Variants in DGKB observed in about 807,000 individuals in gnomAD.
The protein encoded by DGKB is 90 kDa diacylglycerol kinase.
Under a neutral mutation model 114.3 loss-of-function variants are expected in DGKB, and 67 were observed. The observed-to-expected ratio is 0.59, with a 90% CI of 0.48 to 0.72. DGKB has a LOEUF of 0.72. Ranked by LOEUF, DGKB falls within the 30% of genes least tolerant of loss-of-function variation. The pLI is 0.00. For missense variants in DGKB, 907 were observed against 975.2 expected (o/e 0.93, Z 0.93); for synonymous variants, 398 against 323.1 (o/e 1.23, Z -2.49).
intron 21 of DGKB, among the ~76,000 whole-genome samples, chr7:14,413,612 A>C (rs535002081): frequency 6.6e-6 from 1 of 152,172 alleles, no homozygotes; most frequent in African/African-American, 2.4e-5. Flanking sequence ...GGGATAGAGT[A>C]GGAGATATAA....
Position 14,956,797 on chromosome 7 carries a change from T to G in DGKB, c.-188+17899A>C, listed in dbSNP as rs141790485. On this transcript the variant is annotated intron_variant, in intron 1 of 4. Transcript: ENST00000437998. ...AGATCCGTAGGTGTCAGCATTAAGG[T>G]GAATTTTTGTTTGTATCTGAAGTGT... 2.8e-3 allele frequency among the ~76,000 whole-genome samples: 427 copies of G among 151,978 alleles called. 10 individuals carry two copies. The highest frequency in any genetic ancestry group is 0.025 in the East Asian group (126 of 5,134).
In DGKB at chr7:14,315,112, T is replaced by G. The variant is rs1173213717; in HGVS notation, c.2122+23403A>C. On this transcript the variant is annotated intron_variant, in intron 23 of 25. Transcript: ENST00000402815. The stretch of plus-strand genomic sequence containing the variant: ...GATTTTGTCACCACCAGGCCTGCCC[T>G]AAAAGAGCTCCTGAAGGAAGCGCTA... 6.4e-3 allele frequency among the ~76,000 whole-genome samples: 944 copies of G among 146,878 alleles called. 7 individuals are homozygous for G. The highest frequency in any genetic ancestry group is 0.022 in the African/African-American group (866 of 40,222).
At position 14,467,794 on chromosome 7, in the gene DGKB, C is replaced by T. The variant is rs971590387; in HGVS notation, c.1835+10367G>A. On this transcript the variant is annotated intron_variant, in intron 21 of 25. Coordinates refer to ENST00000402815, the MANE Select transcript of DGKB (RefSeq NM_001350709.2). ...AAAAGAAATGCATGAGTAACTAATG[C>T]TTATGTGGAGGGAGAAGCAACGCAG... 5.3e-5 allele frequency among the ~76,000 whole-genome samples: 8 copies of T among 151,894 alleles called. No homozygotes were observed. In the South Asian group the frequency reaches 1.7e-3, roughly 32 times the overall value.
At chr7:14,704,857 C>A (rs1156876333) in intron 6 of DGKB, among the ~76,000 whole-genome samples, 1 of 152,048 alleles carries the variant, frequency 6.6e-6, no homozygotes, top group African/African-American at 2.4e-5. Flanking sequence ...GATAAAACCA[C>A]AAAGATGGGG....
At chr7:14,845,975 G>T (rs1848574199) in intron 1 of DGKB, among the ~76,000 whole-genome samples, 1 of 152,146 alleles carries the variant, frequency 6.6e-6, no homozygotes, top group Non-Finnish European at 1.5e-5. Flanking sequence ...TGTGATGTCA[G>T]CTAACCAATT....
Position 14,372,386 on chromosome 7 carries a change from T to C in DGKB, c.1836-26995A>G, listed in dbSNP as rs1191949667. 5.3e-5 allele frequency among the ~76,000 whole-genome samples: 8 copies of C among 152,278 alleles called. No homozygotes were observed. The East Asian group carries it at 1.2e-3, about 22-fold the overall frequency. ...AGTGGCTGAGGCAAGCTACCTCTAA[T>C]CTGCCATCTTGGGAGTGCGTAGTGG... is the stretch of plus-strand genomic sequence containing the variant. On this transcript the variant is annotated intron_variant, in intron 21 of 25. Coordinates refer to ENST00000402815, the MANE Select transcript of DGKB (RefSeq NM_001350709.2).
chr7:14,579,645 A>T (rs901686928), intron 19 of DGKB, among the ~76,000 whole-genome samples: 3 of 152,152 alleles, frequency 2.0e-5, no homozygotes, highest in Admixed American at 2.0e-4. Context: ...CCTGAAGTAT[A>T]TTCTTACTGA....
At chr7:14,453,622 T>G (rs1417198431) in intron 21 of DGKB, among the ~76,000 whole-genome samples, 31 of 152,176 alleles carry the variant, frequency 2.0e-4, no homozygotes, top group Non-Finnish European at 2.9e-5. Context: ...GTTCTGAAAT[T>G]TATCTGTAAT....
At chr7:14,613,813 C>G (rs1316357086) in intron 15 of DGKB, among the ~76,000 whole-genome samples, 1 of 151,958 alleles carries the variant, frequency 6.6e-6, no homozygotes, top group African/African-American at 2.4e-5. Flanking sequence ...ATAGAGAGGC[C>G]TCCTTTTACG....
At chr7:14,374,978 C>G (rs770642723) in intron 21 of DGKB, among the ~76,000 whole-genome samples, 42 of 152,302 alleles carry the variant, frequency 2.8e-4, no homozygotes, top group Admixed American at 9.8e-4. Flanking sequence ...CTTGCTCATT[C>G]TCTACCTAAA....
intron 2 of DGKB, among the ~76,000 whole-genome samples, chr7:14,816,816 T>C (rs1215674024): frequency 2.0e-5 from 3 of 152,166 alleles, no homozygotes; most frequent in Admixed American, 6.5e-5. Flanking sequence ...AACCAACATA[T>C]GCTGAAAATA....
chr7:14,533,533 C>G (rs1214744229), intron 20 of DGKB, among the ~76,000 whole-genome samples: 1 of 149,970 alleles, frequency 6.7e-6, no homozygotes, highest in Non-Finnish European at 1.5e-5. Context: ...TAGCTAAAAA[C>G]TTTCTAATTC....
At chr7:14,759,685 G>T (rs1415856555) in intron 2 of DGKB, among the ~76,000 whole-genome samples, 2 of 152,018 alleles carry the variant, frequency 1.3e-5, no homozygotes, top group African/African-American at 4.8e-5. Flanking sequence ...CTTGTTTCCA[G>T]GTTTTGGCTG....
intron 23 of DGKB, among the ~76,000 whole-genome samples, chr7:14,304,504 A>T (rs1804141719): frequency 6.6e-6 from 1 of 152,114 alleles, no homozygotes; most frequent in Non-Finnish European, 1.5e-5. Context: ...CTAGGTAATG[A>T]GCTGAGCTTC....
intron 4 of DGKB, among the ~76,000 whole-genome samples, chr7:14,737,710 C>T (rs189230535): frequency 2.7e-4 from 41 of 152,112 alleles, no homozygotes; most frequent in Non-Finnish European, 4.3e-4. Flanking sequence ...CTTATTGATT[C>T]TCACAAGGAC....
At chr7:14,309,675 G>T (rs1805047412) in intron 23 of DGKB, among the ~76,000 whole-genome samples, 1 of 152,166 alleles carries the variant, frequency 6.6e-6, no homozygotes, top group Admixed American at 6.5e-5. Flanking sequence ...TCATACAGAG[G>T]CTGACAAAGG....
At chr7:14,731,768 G>A (rs149786968) in intron 5 of DGKB, among the ~76,000 whole-genome samples, 2 of 152,202 alleles carry the variant, frequency 1.3e-5, no homozygotes, top group Admixed American at 6.5e-5. Flanking sequence ...CAAATGGTGG[G>A]CCCCAAGGAT....
Position 14,231,082 on chromosome 7 carries a change from C to CCTTTCTTT in DGKB, c.2123-52939_2123-52932dup, listed in dbSNP as rs201778587. On this transcript the variant is annotated intron_variant, in intron 23 of 25. Transcript: ENST00000402815. ...AAGGTTAAAAATTCTTTCTTCTTTC[C>CCTTTCTTT]CTTTCTTTCTTTCTTTCTTTCTTTC... 8.3e-3 allele frequency among the ~76,000 whole-genome samples: 1,007 copies of CCTTTCTTT among 121,776 alleles called. 5 individuals carry two copies. The highest frequency in any genetic ancestry group is 0.011 in the East Asian group (43 of 4,088). The allele number at this position is 121,776 out of a possible 152,430, so 79.9% of individuals were successfully genotyped here. A position where few individuals can be genotyped will look rare whatever the true frequency, so the allele number is the denominator to read the frequency against.
chr7:14,871,397 G>C (rs146057055), intron 1 of DGKB, among the ~76,000 whole-genome samples: 1 of 152,112 alleles, frequency 6.6e-6, no homozygotes, highest in African/African-American at 2.4e-5. Flanking sequence ...AAATGTGACG[G>C]GAAAGGGGAG....
Sources: gnomAD v4.1 joint callset for allele counts (sites outside exome capture counted in the v4.1 genomes callset) on GRCh38, gnomAD v4.1.1 for gene constraint, MANE v1.5 for transcripts, NCBI Gene and HGNC (gene_info 2026-07-23, HGNC 2026-07-21) for gene names.